Variants in UCK2 observed in about 807,000 individuals in gnomAD.
UCK2 encodes cytidine monophosphokinase 2.
UCK2 carries 6 observed loss-of-function variants against 30.8 expected under a neutral mutation model. The observed-to-expected ratio is 0.19, with a 90% CI of 0.11 to 0.38. The LOEUF (loss-of-function observed/expected upper bound fraction) is 0.38, where lower values mean the gene tolerates loss of function less well. Among genes scored for constraint, UCK2 ranks in the 10% least tolerant of loss-of-function variants. The pLI is 1.00. For missense variants in UCK2, 210 were observed against 339.8 expected, an observed-to-expected ratio of 0.62 and a Z score of 3.00; for synonymous variants, 125 against 133.6, an observed-to-expected ratio of 0.94 and a Z score of 0.45.
At chr1:165,869,758 G>A (rs1655150000) in intron 1 of UCK2, among the ~76,000 whole-genome samples, 1 of 144,308 alleles carries the variant, frequency 6.9e-6, no homozygotes, top group Admixed American at 7.3e-5. Flanking sequence ...GCAGGCTCAA[G>A]CGATCCTCTG....
chr1:165,858,663 C>T (rs975812433), intron 1 of UCK2, among the ~76,000 whole-genome samples: 1 of 151,928 alleles, frequency 6.6e-6, no homozygotes, highest in East Asian at 1.9e-4. Flanking sequence ...GTACTCGTCC[C>T]TTAGCCCAGG....
At chr1:165,839,614 A>G (rs1654275482) in intron 1 of UCK2, among the ~76,000 whole-genome samples, 1 of 152,166 alleles carries the variant, frequency 6.6e-6, no homozygotes, top group Non-Finnish European at 1.5e-5. Flanking sequence ...TGGTTTGTTC[A>G]GAAGATGCTT....
At chr1:165,891,745 T>G (rs530148493) in intron 3 of UCK2, 1 of 163,726 alleles carries the variant, frequency 6.1e-6, no homozygotes, top group African/African-American at 2.4e-5. Context: ...TGGAGAGGCA[T>G]GAGGTCACCA....
At chr1:165,862,395 C>G (rs1169882299) in intron 1 of UCK2, among the ~76,000 whole-genome samples, 1 of 152,090 alleles carries the variant, frequency 6.6e-6, no homozygotes, top group South Asian at 2.1e-4. Flanking sequence ...GATGTAGGCA[C>G]AAGGCAGAGG....
At chr1:165,882,269 C>T (rs951056950) in intron 1 of UCK2, among the ~76,000 whole-genome samples, 1 of 152,140 alleles carries the variant, frequency 6.6e-6, no homozygotes, top group Non-Finnish European at 1.5e-5. Context: ...ACTTGTGGTT[C>T]CTGTGATAAT....
chr1:165,865,508 A>G (rs1432351917), intron 1 of UCK2, among the ~76,000 whole-genome samples: 1 of 152,118 alleles, frequency 6.6e-6, no homozygotes, highest in Non-Finnish European at 1.5e-5. Context: ...CCCATTTTTT[A>G]GGGGGGACAA....
At chr1:165,866,828 T>G (rs1655057330) in intron 1 of UCK2, among the ~76,000 whole-genome samples, 1 of 152,236 alleles carries the variant, frequency 6.6e-6, no homozygotes. Context: ...CGTACTGTAT[T>G]GTATGTCAGA....
At chr1:165,877,735 G>A (rs1655375066) in intron 1 of UCK2, among the ~76,000 whole-genome samples, 1 of 152,092 alleles carries the variant, frequency 6.6e-6, no homozygotes, top group South Asian at 2.1e-4. Context: ...ATGTATTTTT[G>A]TGTGACTATG....
intron 5 of UCK2, 126 bp downstream of exon 5, chr1:165,903,405 G>T: frequency 1.3e-6 from 1 of 764,286 alleles, no homozygotes. Flanking sequence ...GTGATCCTCT[G>T]TCCTGAAGTC....
Position 165,841,433 on chromosome 1 carries a change from A to G in UCK2, c.99+13501A>G, listed in dbSNP as rs560385259. On this transcript the variant is annotated intron_variant, in intron 1 of 6. Coordinates refer to ENST00000367879, the MANE Select transcript of UCK2 (RefSeq NM_012474.5). The stretch of plus-strand genomic sequence containing the variant: ...TCCTGACCTCAGGTGATCCACCCCC[A>G]ATCAGCCTCCCAAAGTGCTGGGGAT... 4.6e-5 allele frequency among the ~76,000 whole-genome samples: 7 copies of G among 152,100 alleles called. No individual in the cohort carries two copies. In the South Asian group the frequency reaches 1.5e-3, roughly 32 times the overall value.
chr1:165,867,080 A>G lies in UCK2; in HGVS notation c.100-23124A>G, dbSNP rs1370130200. 2.0e-5 allele frequency among the ~76,000 whole-genome samples: 3 copies of G among 152,232 alleles called. No individual in the cohort carries two copies. In the East Asian group the frequency reaches 5.8e-4, roughly 29 times the overall value. On this transcript the variant is annotated intron_variant, in intron 1 of 6. Transcript: ENST00000367879. ...TCCAGTGCACGTAAAAGTTATGTTT[A>G]CACTATACTATAGTCAATTGAATAT...
intron 1 of UCK2, among the ~76,000 whole-genome samples, chr1:165,875,051 A>C (rs1207448693): frequency 6.6e-6 from 1 of 152,158 alleles, no homozygotes; most frequent in Non-Finnish European, 1.5e-5. Flanking sequence ...AAAAAAAAAA[A>C]AAAAGCTTCC....
At chr1:165,876,012 A>G (rs1225032290) in intron 1 of UCK2, among the ~76,000 whole-genome samples, 3 of 152,200 alleles carry the variant, frequency 2.0e-5, no homozygotes, top group East Asian at 3.9e-4. Flanking sequence ...TCCTGACCCA[A>G]CATTATCACA....
intron 1 of UCK2, among the ~76,000 whole-genome samples, chr1:165,880,636 G>A (rs958294527): frequency 6.6e-6 from 1 of 151,518 alleles, no homozygotes; most frequent in African/African-American, 2.4e-5. Context: ...TGTTTGTCCT[G>A]TGGGGACAAA....
At chr1:165,860,209 G>A (rs999723774) in intron 1 of UCK2, among the ~76,000 whole-genome samples, 3 of 152,180 alleles carry the variant, frequency 2.0e-5, no homozygotes, top group African/African-American at 7.2e-5. Context: ...CCTGCCTGCT[G>A]CCTTTCAGGA....
chr1:165,856,951 C>T (rs1654762732), intron 1 of UCK2, among the ~76,000 whole-genome samples: 1 of 131,428 alleles, frequency 7.6e-6, no homozygotes, highest in South Asian at 2.4e-4. Flanking sequence ...AGAGATGAGG[C>T]TCAGAAGGCA....
chr1:165,873,858 T>C (rs899074349), intron 1 of UCK2, among the ~76,000 whole-genome samples: 2 of 152,174 alleles, frequency 1.3e-5, no homozygotes, highest in African/African-American at 2.4e-5. Context: ...ACACCAGCTT[T>C]GGATCTCACA....
chr1:165,836,630 A>G (rs757429392), intron 1 of UCK2, among the ~76,000 whole-genome samples: 30 of 152,232 alleles, frequency 2.0e-4, no homozygotes, highest in Non-Finnish European at 3.2e-4. Flanking sequence ...ATCTTCCAGT[A>G]TCAGCTCGAG....
chr1:165,893,204 A>T (rs1359096411), intron 3 of UCK2, among the ~76,000 whole-genome samples: 1 of 152,180 alleles, frequency 6.6e-6, no homozygotes, highest in East Asian at 1.9e-4. Flanking sequence ...GCAGTCTAGG[A>T]GTGGAGGAGG....
Sources: gnomAD v4.1 joint callset for allele counts (sites outside exome capture counted in the v4.1 genomes callset) on GRCh38, gnomAD v4.1.1 for gene constraint, MANE v1.5 for transcripts, NCBI Gene and HGNC (gene_info 2026-07-23, HGNC 2026-07-21) for gene names.